The following RANBP17 variants were observed in gnomAD, a reference collection of about 807,000 sequenced individuals.
RANBP17 encodes the protein ran-binding protein 17.
In RANBP17, 158 loss-of-function variants were observed where a neutral mutation model predicts 141.2. That is an observed-to-expected ratio of 1.12 (90% CI 0.98 to 1.28). RANBP17 has a LOEUF of 1.28. Among genes scored for constraint, RANBP17 ranks in the 50% most tolerant of loss-of-function variants. The pLI, the probability that RANBP17 is intolerant of heterozygous loss-of-function variation, is 0.00. For synonymous variants in RANBP17, 430 were observed against 450.0 expected (o/e 0.96, Z 0.56); for missense variants, 1,438 against 1,290.7 (o/e 1.11, Z -1.75).
chr5:170,912,209 A>G (rs1404663439), intron 7 of RANBP17, among the ~76,000 whole-genome samples: 3 of 151,942 alleles, frequency 2.0e-5, no homozygotes. Context: ...GAACCAATAC[A>G]TGTAATAAAA....
At chr5:171,046,809 G>C (rs991268418) in intron 14 of RANBP17, among the ~76,000 whole-genome samples, 1 of 151,980 alleles carries the variant, frequency 6.6e-6, no homozygotes, top group Admixed American at 6.6e-5. Flanking sequence ...TGTAATCTTT[G>C]CAAGTCTAGT....
intron 12 of RANBP17, among the ~76,000 whole-genome samples, chr5:170,948,460 T>C (rs1774938335): frequency 6.6e-6 from 1 of 152,178 alleles, no homozygotes; most frequent in South Asian, 2.1e-4. Flanking sequence ...AGGAAGTCCA[T>C]TTATAGTATT....
chr5:171,023,648 TC>T (rs1213708797), intron 14 of RANBP17, among the ~76,000 whole-genome samples: 9 of 152,228 alleles, frequency 5.9e-5, no homozygotes, highest in Non-Finnish European at 1.2e-4. Flanking sequence ...ATTTTGTTTT[TC>T]TTTCAGCTAT....
At chr5:170,884,503 G>A (rs898534109) in intron 3 of RANBP17, among the ~76,000 whole-genome samples, 2 of 151,694 alleles carry the variant, frequency 1.3e-5, no homozygotes, top group African/African-American at 4.8e-5. Flanking sequence ...TAATGGAAGT[G>A]GATCATCATA....
At chr5:171,142,653 T>TAGA (rs1757783849) in intron 14 of RANBP17, among the ~76,000 whole-genome samples, 1 of 152,322 alleles carries the variant, frequency 6.6e-6, no homozygotes, top group Non-Finnish European at 1.5e-5. Context: ...TTTTTTTCCT[T>TAGA]AGAAGAAGAA....
In RANBP17 at chr5:170,886,034, A is replaced by G. The variant is rs530914638; in HGVS notation, c.256+4138A>G. On this transcript the variant is annotated intron_variant, in intron 3 of 27. Coordinates refer to ENST00000523189, the MANE Select transcript of RANBP17 (RefSeq NM_022897.5). ...TCTCATGGCTTTTTCTATAACAACA[A>G]TGGCATCCTCAGTGGTAAAATCCTT... Among the ~76,000 whole-genome samples, 331 of 152,092 alleles carry G rather than the reference A, an allele frequency of 2.2e-3. 1 individual carries two copies. Among genetic ancestry groups the G allele is most frequent in the African/African-American group, 6.6e-3 (276 of 41,512 alleles).
chr5:170,951,666 C>T (rs1775224593), intron 12 of RANBP17, among the ~76,000 whole-genome samples: 1 of 152,020 alleles, frequency 6.6e-6, no homozygotes, highest in African/African-American at 2.4e-5. Flanking sequence ...TTGCATAACC[C>T]TGTTAATTTA....
At chr5:170,959,630 A>T (rs755426406) in intron 13 of RANBP17, among the ~76,000 whole-genome samples, 2 of 152,224 alleles carry the variant, frequency 1.3e-5, no homozygotes, top group African/African-American at 4.8e-5. Context: ...TTTAACTACT[A>T]ATAGCCCACT....
intron 11 of RANBP17, among the ~76,000 whole-genome samples, chr5:170,921,058 A>G (rs928492550): frequency 2.0e-5 from 3 of 152,044 alleles, no homozygotes; most frequent in African/African-American, 7.2e-5. Context: ...CACTCTGATG[A>G]TGGTTTCTTT....
intron 25 of RANBP17, among the ~76,000 whole-genome samples, chr5:171,291,964 C>T (rs916834258): frequency 2.0e-5 from 3 of 152,220 alleles, no homozygotes; most frequent in Non-Finnish European, 4.4e-5. Flanking sequence ...TGGCACATCA[C>T]TTCAAGATGC....
Position 171,295,864 on chromosome 5 carries a change from G to A in RANBP17, c.3043-23G>A, listed in dbSNP as rs367944987. 35 of 1,610,140 alleles carry A rather than the reference G, an allele frequency of 2.2e-5. 1 individual carries two copies. Among genetic ancestry groups the A allele is most frequent in the Non-Finnish European group, 2.8e-5 (33 of 1,177,698 alleles). On this transcript the variant is annotated intron_variant, in intron 26 of 27. Transcript: ENST00000523189. The stretch of plus-strand genomic sequence containing the variant: ...AGGCGGGACTTGGAGTCGGAGCTCT[G>A]ACACTATTCTGTCTCCCATCAGTAT...
chr5:170,969,504 AATG>A (rs1368635787), intron 14 of RANBP17, among the ~76,000 whole-genome samples: 2 of 151,998 alleles, frequency 1.3e-5, no homozygotes, highest in African/African-American at 4.8e-5. Flanking sequence ...ATATAAATCA[AATG>A]ATGATAAATT....
intron 13 of RANBP17, among the ~76,000 whole-genome samples, chr5:170,966,890 C>T (rs1053508519): frequency 2.0e-5 from 3 of 152,040 alleles, no homozygotes; most frequent in Admixed American, 6.6e-5. Context: ...AGCATTCTTA[C>T]ACACCAATAA....
intron 3 of RANBP17, among the ~76,000 whole-genome samples, chr5:170,886,772 C>T (rs954267346): frequency 8.6e-5 from 13 of 151,204 alleles, no homozygotes; most frequent in Non-Finnish European, 1.5e-4. Context: ...GTGATCCTCC[C>T]ACCTCAGCCT....
chr5:171,248,530 A>G (rs1765367701), intron 24 of RANBP17, among the ~76,000 whole-genome samples: 1 of 152,182 alleles, frequency 6.6e-6, no homozygotes, highest in East Asian at 1.9e-4. Context: ...CCTGCCACAG[A>G]CTACTGCAAT....
intron 14 of RANBP17, among the ~76,000 whole-genome samples, chr5:170,996,046 A>G (rs1215684464): frequency 1.3e-5 from 2 of 152,030 alleles, no homozygotes; most frequent in African/African-American, 4.8e-5. Flanking sequence ...TAAAAAAAAA[A>G]AGTTATTGCT....
rs190504895 is a variant in RANBP17 at position 171,178,647 on chromosome 5, G to A, written c.1866-4520G>A. The stretch of plus-strand genomic sequence containing the variant: ...TTTACACTCCCACCAACAGTGTAAA[G>A]GCATTCCTATTTCTCCACAGCCTTG... On this transcript the variant is annotated intron_variant, in intron 16 of 27. Transcript: ENST00000523189. Among the ~76,000 whole-genome samples the A allele has an allele frequency of 6.0e-3, 909 of 152,180 alleles. 8 individuals are homozygous for A. The highest frequency in any genetic ancestry group is 0.02 in the African/African-American group (819 of 41,538).
intron 14 of RANBP17, 123 bp downstream of exon 14, chr5:170,968,500 A>G (rs1428288528): frequency 1.1e-6 from 1 of 915,452 alleles, no homozygotes; most frequent in South Asian, 1.4e-5. Context: ...TGAATTGATG[A>G]ATTGGTGATG....
At chr5:171,026,268 A>G (rs1457347003) in intron 14 of RANBP17, among the ~76,000 whole-genome samples, 1 of 152,198 alleles carries the variant, frequency 6.6e-6, no homozygotes, top group Non-Finnish European at 1.5e-5. Context: ...CAACACCCTT[A>G]CAATGTAGTT....
Sources: allele counts gnomAD v4.1 joint callset (sites outside exome capture counted in the v4.1 genomes callset), GRCh38; gene constraint gnomAD v4.1.1; transcripts MANE v1.5; gene names NCBI Gene and HGNC (gene_info 2026-07-23, HGNC 2026-07-21).